Variants in ZNF85 observed in about 807,000 individuals in gnomAD.
The protein encoded by ZNF85 is zinc finger protein 85, also known as zinc finger protein 85 (HPF4, HTF1).
A neutral mutation model predicts 53.9 loss-of-function variants in ZNF85; 50 were observed. The ratio of observed to expected loss-of-function variants is 0.93; its 90% CI spans 0.74 to 1.17. The LOEUF is 1.17. Ranked by LOEUF, ZNF85 falls within the 50% of genes most tolerant of loss-of-function variation. The pLI, the probability that ZNF85 is intolerant of heterozygous loss-of-function variation, is 0.00. For synonymous variants in ZNF85, 225 were observed against 226.1 expected (o/e 1.00, Z 0.04); for missense variants, 747 against 688.5 (o/e 1.08, Z -0.95).
chr19:20,929,316 G>A (rs749468437), intron 1 of ZNF85, among the ~76,000 whole-genome samples: 3 of 151,762 alleles, frequency 2.0e-5, no homozygotes, highest in Non-Finnish European at 2.9e-5. Flanking sequence ...AGCCTCCCAA[G>A]TAGCTGAGAC....
In ZNF85 at chr19:20,949,764, A is replaced by G. The variant is rs1973528176; in HGVS notation, c.1250A>G (p.Lys417Arg). 6.2e-7 allele frequency: 1 copy of G among 1,611,914 alleles called. No homozygotes were observed. Among genetic ancestry groups the G allele is most frequent in the East Asian group, 2.2e-5 (1 of 44,820 alleles). ...FKHSSTLTKH[K>R]IIHTGEKPYK... ...CACTCTTCAACCCTTACTAAACATA[A>G]GATAATTCATACTGGAGAGAAGCCT... Residue 417 changes from lysine (K) to arginine (R), a missense_variant, in exon 4 of 4, where the codon AAG becomes AGG. Lys to Arg is a conservative substitution (Grantham distance 26). Transcript: ENST00000328178.
intron 1 of ZNF85, among the ~76,000 whole-genome samples, chr19:20,933,522 G>A (rs1973077320): frequency 6.6e-6 from 1 of 152,204 alleles, no homozygotes; most frequent in Admixed American, 6.5e-5. Flanking sequence ...CCTTACTGGT[G>A]AGCTTGTTAG....
At chr19:20,941,371 A>G (rs1404667215) in intron 3 of ZNF85, among the ~76,000 whole-genome samples, 4 of 152,098 alleles carry the variant, frequency 2.6e-5, no homozygotes, top group East Asian at 1.9e-4. Context: ...GGTTCAAGCA[A>G]TTCTCCTCAG....
intron 1 of ZNF85, among the ~76,000 whole-genome samples, chr19:20,929,097 TCTTA>T (rs1346609106): frequency 2.6e-5 from 4 of 151,476 alleles, no homozygotes. Context: ...CTTATTTAGC[TCTTA>T]CTTTTTTTTT....
At chr19:20,944,876 A>G (rs1973384091) in intron 3 of ZNF85, among the ~76,000 whole-genome samples, 1 of 152,246 alleles carries the variant, frequency 6.6e-6, no homozygotes, top group East Asian at 1.9e-4. Flanking sequence ...TGAATCAGCC[A>G]TATGTCTATT....
chr19:20,924,780 A>C (rs966936380), intron 1 of ZNF85, among the ~76,000 whole-genome samples: 2 of 152,202 alleles, frequency 1.3e-5, no homozygotes, highest in Non-Finnish European at 2.9e-5. Context: ...GAAGAAAGTG[A>C]ATAATAATCC....
chr19:20,945,957 A>T (rs952979193), intron 3 of ZNF85, among the ~76,000 whole-genome samples: 2 of 151,738 alleles, frequency 1.3e-5, no homozygotes, highest in African/African-American at 4.8e-5. Flanking sequence ...TTATTAGTCT[A>T]TGTTTTCAGC....
chr19:20,936,041 G>A lies in ZNF85; in HGVS notation c.229+994G>A, dbSNP rs1973150724. On this transcript the variant is annotated intron_variant, in intron 3 of 3. Coordinates refer to ENST00000328178, the MANE Select transcript of ZNF85 (RefSeq NM_003429.5). ...ATGTTTTACCTCTTTTGTTAAATTT[G>A]TTCTCAGAAATTTATTATTTTGATG... Among the ~76,000 whole-genome samples the A allele has an allele frequency of 2.0e-5, 3 of 151,762 alleles. No homozygotes were observed. The South Asian group carries it at 6.3e-4, about 32-fold the overall frequency.
At chr19:20,939,252 G>A (rs954204173) in intron 3 of ZNF85, among the ~76,000 whole-genome samples, 5 of 151,982 alleles carry the variant, frequency 3.3e-5, no homozygotes, top group Admixed American at 3.3e-4. Flanking sequence ...TTTTAGTGTA[G>A]GCTTGTTTTT....
chr19:20,940,480 T>C (rs1448763086), intron 3 of ZNF85, among the ~76,000 whole-genome samples: 1 of 152,084 alleles, frequency 6.6e-6, no homozygotes, highest in African/African-American at 2.4e-5. Flanking sequence ...CAGACTATAG[T>C]CAACCATAAT....
At chr19:20,937,677 G>A (rs1327971310) in intron 3 of ZNF85, among the ~76,000 whole-genome samples, 1 of 152,188 alleles carries the variant, frequency 6.6e-6, no homozygotes, top group Non-Finnish European at 1.5e-5. Flanking sequence ...GGGACACTGT[G>A]TGGGTTTCTG....
chr19:20,946,548 C>T (rs1228759104), intron 3 of ZNF85, among the ~76,000 whole-genome samples: 1 of 149,942 alleles, frequency 6.7e-6, no homozygotes, highest in Non-Finnish European at 1.5e-5. Context: ...ATATTTGGAA[C>T]CTTAATGTGA....
chr19:20,946,044 G>GTT (rs35665022), intron 3 of ZNF85, among the ~76,000 whole-genome samples: 24 of 42,776 alleles, frequency 5.6e-4, no homozygotes, highest in South Asian at 1.8e-3. Context: ...TGCCTCAAAC[G>GTT]TTTTTTTTTT....
intron 1 of ZNF85, among the ~76,000 whole-genome samples, chr19:20,929,188 C>CTTTTTTTTTTTTTTTTTTTT (rs71174768): frequency 7.2e-6 from 1 of 138,418 alleles, no homozygotes. Flanking sequence ...CTGATCTCTT[C>CTTTTTTTTTTTTTTTTTTTT]TTTTTTTTTT....
Position 20,948,766 on chromosome 19 carries a change from A to G in ZNF85, c.252A>G (p.Gln84=). Residue 84 remains glutamine, a synonymous_variant, in exon 4 of 4, where the codon CAA becomes CAG. Transcript: ENST00000328178. ...KPTVMCSHFA[Q]DLWPEQNIKD... ...CAGTTATGTGTTCTCATTTTGCCCA[A>G]GACCTTTGGCCGGAGCAGAATATAA... The G allele has an allele frequency of 1.9e-6, 3 of 1,572,466 alleles. No homozygotes were observed. Among genetic ancestry groups the G allele is most frequent in the Non-Finnish European group, 2.6e-6 (3 of 1,161,918 alleles).
chr19:20,931,764 C>T (rs755111476), intron 1 of ZNF85, among the ~76,000 whole-genome samples: 32 of 151,976 alleles, frequency 2.1e-4, no homozygotes, highest in African/African-American at 5.1e-4. Context: ...CATGCCACCA[C>T]GCCTGGCTAA....
chr19:20,933,263 T>C (rs969127263), intron 1 of ZNF85, among the ~76,000 whole-genome samples: 36 of 152,246 alleles, frequency 2.4e-4, no homozygotes, highest in African/African-American at 8.7e-4. Flanking sequence ...AAGAGCTCTC[T>C]GACAGATTTT....
chr19:20,944,046 CTATT>C (rs1460753877), intron 3 of ZNF85: 1 of 294,518 alleles, frequency 3.4e-6, no homozygotes, highest in African/African-American at 2.3e-5. Context: ...TGTTGTGTAT[CTATT>C]AACAGATTTA....
chr19:20,947,663 G>T (rs1244542872), intron 3 of ZNF85, among the ~76,000 whole-genome samples: 1 of 151,016 alleles, frequency 6.6e-6, no homozygotes, highest in Non-Finnish European at 1.5e-5. Flanking sequence ...TCTACTTTGT[G>T]ACTTGAAATT....
Sources: gnomAD v4.1 joint callset for allele counts (sites outside exome capture counted in the v4.1 genomes callset) on GRCh38, gnomAD v4.1.1 for gene constraint, MANE v1.5 for transcripts, NCBI Gene and HGNC (gene_info 2026-07-23, HGNC 2026-07-21) for gene names.